TRPC6: variants seen among roughly 807,000 people sequenced by gnomAD.
TRPC6 encodes transient receptor potential cation channel subfamily C member 6, also known as short transient receptor potential channel 6.
Under a neutral mutation model 90.7 loss-of-function variants are expected in TRPC6, and 55 were observed. The ratio of observed to expected loss-of-function variants is 0.61; its 90% CI spans 0.49 to 0.76. The LOEUF (loss-of-function observed/expected upper bound fraction) is 0.76. Ranked by LOEUF, TRPC6 falls within the 30% of genes least tolerant of loss-of-function variation. TRPC6 has a pLI of 0.00. For synonymous variants in TRPC6, 393 were observed against 393.0 expected (o/e 1.00, Z 0.00); for missense variants, 989 against 1,122.7 (o/e 0.88, Z 1.70).
chr11:101,491,528 T>C, intron 3 of TRPC6, 28 bp downstream of exon 3: 1 of 1,612,728 alleles, frequency 6.2e-7, no homozygotes, highest in Non-Finnish European at 8.5e-7. Flanking sequence ...ACCAAAATAA[T>C]GTAAACGGGC....
chr11:101,542,751 G>GAT (rs933749804), intron 1 of TRPC6, among the ~76,000 whole-genome samples: 19 of 151,036 alleles, frequency 1.3e-4, no homozygotes, highest in African/African-American at 4.4e-4. Flanking sequence ...TAATGAATGT[G>GAT]ATATATATAT....
chr11:101,580,611 C>A (rs1167367086), intron 1 of TRPC6, among the ~76,000 whole-genome samples: 3 of 151,788 alleles, frequency 2.0e-5, no homozygotes, highest in Admixed American at 6.6e-5. Flanking sequence ...ACTACTGAAG[C>A]CCCATTACTA....
Position 101,566,017 on chromosome 11 carries a change from G to A in TRPC6, c.170+17317C>T, listed in dbSNP as rs1328121680. ...CACTCTTTCTTCAGTAATATCTTTC[G>A]CCATAAGTTTCTAGTAAATGGTTAT... On this transcript the variant is annotated intron_variant, in intron 1 of 12. Coordinates refer to ENST00000344327, the MANE Select transcript of TRPC6 (RefSeq NM_004621.6). Among the ~76,000 whole-genome samples, 10 of 152,068 alleles carry A rather than the reference G, an allele frequency of 6.6e-5. No homozygotes were observed. In the South Asian group the frequency reaches 8.3e-4, roughly 13 times the overall value.
Position 101,488,999 on chromosome 11 carries a change from G to A in TRPC6, c.1231C>T (p.Leu411Phe), listed in dbSNP as rs1428216871. 1.9e-6 allele frequency: 3 copies of A among 1,614,140 alleles called. No individual in the cohort carries two copies. The Admixed American group carries it at 5.0e-5, about 27-fold the overall frequency. The change falls in exon 4 of 13, where the codon CTT becomes TTT. Residue 411 changes from leucine to phenylalanine, a missense_variant. Physicochemically the swap from Leu to Phe is conservative, Grantham distance 22 (BLOSUM62 0). This residue lies in a region of TRPC6 where 486 missense variants were observed against 591.9 expected (regional missense o/e 0.82). Transcript: ENST00000344327. Reference sequence around the variant, plus strand: ...AAGGGCAGTCCAATGGCAACAGCAAGGACCACAAGGAACTTGACCGCCATT... The same window carrying A: ...AAGGGCAGTCCAATGGCAACAGCAAAGACCACAAGGAACTTGACCGCCATT... The part of the protein sequence containing the change: ...QTMAVKFLVV[L>F]AVAIGLPFLA...
At position 101,491,567 on chromosome 11, in the gene TRPC6, C is replaced by T. The variant is rs1265647155; in HGVS notation, c.1117G>A (p.Glu373Lys). Residue 373 changes from glutamate (E) to lysine (K), a missense_variant, in exon 3 of 13, where the codon GAA becomes AAA. By Grantham distance (56) the Glu-to-Lys change is moderately conservative. Coordinates refer to ENST00000344327, the MANE Select transcript of TRPC6 (RefSeq NM_004621.6). Reference protein sequence around the residue: ...LSRLKLAIKYEVKKFVAHPNC... With the variant: ...LSRLKLAIKYKVKKFVAHPNC... ...ACGCCTGACCTTACTTTTTTTACTT[C>T]ATATTTAATGGCAAGTTTTAAACGG... is the stretch of plus-strand genomic sequence containing the variant. 1 of 1,613,776 alleles carries T rather than the reference C, an allele frequency of 6.2e-7. No homozygotes were observed. The highest frequency in any genetic ancestry group is 1.1e-5 in the South Asian group (1 of 91,072).
intron 1 of TRPC6, among the ~76,000 whole-genome samples, chr11:101,563,439 A>C (rs1266321441): frequency 6.6e-6 from 1 of 152,198 alleles, no homozygotes; most frequent in African/African-American, 2.4e-5. Context: ...CTGATATGAT[A>C]GAAAACTGAA....
chr11:101,500,210 CTTTCTTTTTT>C (rs1860082756), intron 2 of TRPC6, among the ~76,000 whole-genome samples: 1 of 137,710 alleles, frequency 7.3e-6, no homozygotes, highest in Admixed American at 7.3e-5. Flanking sequence ...TATTTTTTTT[CTTTCTTTTTT>C]TTTTTTGAGA....
chr11:101,560,584 G>A (rs1158466862), intron 1 of TRPC6, among the ~76,000 whole-genome samples: 2 of 152,064 alleles, frequency 1.3e-5, no homozygotes, highest in Non-Finnish European at 2.9e-5. Flanking sequence ...CTAAGCCATA[G>A]CCACTGCCCT....
chr11:101,472,691 T>C (rs540146990), intron 7 of TRPC6, among the ~76,000 whole-genome samples: 1 of 152,294 alleles, frequency 6.6e-6, no homozygotes, highest in African/African-American at 2.4e-5. Context: ...CTTCTACTCA[T>C]ATCCAATAGA....
intron 2 of TRPC6, among the ~76,000 whole-genome samples, chr11:101,503,150 T>C (rs1468197254): frequency 6.6e-6 from 1 of 152,154 alleles, no homozygotes; most frequent in Non-Finnish European, 1.5e-5. Context: ...AGTTTAGAGA[T>C]ACCTGTGGGG....
At chr11:101,562,450 T>G (rs1861735007) in intron 1 of TRPC6, among the ~76,000 whole-genome samples, 1 of 152,148 alleles carries the variant, frequency 6.6e-6, no homozygotes, top group Non-Finnish European at 1.5e-5. Context: ...ATCCCATGTT[T>G]TAAAATTCTT....
rs201918314 is a variant in TRPC6, at chr11:101,483,084, T to C, written c.1375A>G (p.Met459Val). Reference protein sequence around the residue: ...SFTIFLGLLVMNAADRFEGTK... With the variant: ...SFTIFLGLLVVNAADRFEGTK... ...CCTTCAAATCTGTCAGCTGCATTCA[T>C]GACTAGCAGTCCCAGAAAAATGGTG... Residue 459 changes from methionine (M) to valine (V), a missense_variant, in exon 5 of 13, where the codon ATG becomes GTG. By Grantham distance (21) the Met-to-Val change is conservative. Around this residue, in one of 4 missense-constraint regions of TRPC6, gnomAD observed 486 missense variants for 591.9 expected, o/e 0.82. Coordinates refer to ENST00000344327, the MANE Select transcript of TRPC6 (RefSeq NM_004621.6). 20 of 1,613,996 alleles carry C rather than the reference T, an allele frequency of 1.2e-5. No homozygotes were observed. The highest frequency in any genetic ancestry group is 1.6e-5 in the Non-Finnish European group (19 of 1,179,968).
At chr11:101,561,645 CCTCT>C (rs1340693923) in intron 1 of TRPC6, among the ~76,000 whole-genome samples, 1 of 151,872 alleles carries the variant, frequency 6.6e-6, no homozygotes. Context: ...AAGCCTTATT[CCTCT>C]CTCTTCTACT....
intron 5 of TRPC6, among the ~76,000 whole-genome samples, chr11:101,480,405 C>T (rs975145456): frequency 6.6e-6 from 1 of 152,084 alleles, no homozygotes; most frequent in African/African-American, 2.4e-5. Flanking sequence ...GAACCCACAG[C>T]TCCTCCCTTC....
chr11:101,483,580 C>T (rs189211414), intron 4 of TRPC6, among the ~76,000 whole-genome samples: 15 of 152,174 alleles, frequency 9.9e-5, no homozygotes, highest in African/African-American at 3.1e-4. Flanking sequence ...GGTGGGTGTC[C>T]TCACATATAC....
chr11:101,453,676 T>G lies in TRPC6; in HGVS notation c.2618A>C (p.Asp873Ala). ...IKRYVLQAQI[D>A]KESDEVNEGE... ...TTCGTTCACTTCATCACTCTCCTTA[T>G]CTATCTGGGCCTGCAGTACATATCT... is the stretch of plus-strand genomic sequence containing the variant. The change falls in exon 12 of 13, where the codon GAT becomes GCT. Residue 873 changes from aspartate to alanine, a missense_variant. This residue lies in a region of TRPC6 where 191 missense variants were observed against 196.7 expected (regional missense o/e 0.97). Transcript: ENST00000344327. The G allele has an allele frequency of 6.2e-7, 1 of 1,613,980 alleles. No individual in the cohort carries two copies. The highest frequency in any genetic ancestry group is 8.5e-7 in the Non-Finnish European group (1 of 1,179,884).
At chr11:101,490,016 G>T (rs575458316) in intron 3 of TRPC6, among the ~76,000 whole-genome samples, 27 of 152,122 alleles carry the variant, frequency 1.8e-4, no homozygotes, top group Non-Finnish European at 4.4e-5. Context: ...CACCATTTTT[G>T]AAGGGAAACC....
intron 1 of TRPC6, among the ~76,000 whole-genome samples, chr11:101,560,976 A>C (rs548352609): frequency 6.6e-6 from 1 of 152,270 alleles, no homozygotes; most frequent in Admixed American, 6.5e-5. Context: ...AATCCATATA[A>C]AAGAGCATTC....
chr11:101,505,180 A>G (rs1860230193), intron 1 of TRPC6, among the ~76,000 whole-genome samples: 1 of 152,216 alleles, frequency 6.6e-6, no homozygotes, highest in Non-Finnish European at 1.5e-5. Flanking sequence ...ACATTTTAAG[A>G]AGTAGAGACA....
Sources: gnomAD v4.1 joint callset for allele counts (sites outside exome capture counted in the v4.1 genomes callset) on GRCh38, gnomAD v4.1.1 for gene constraint, gnomAD v4.1.1 regional missense constraint, MANE v1.5 for transcripts, NCBI Gene and HGNC (gene_info 2026-07-23, HGNC 2026-07-21) for gene names.